Variants in TBC1D5 observed in about 807,000 individuals in gnomAD.
TBC1D5 encodes the protein TBC1 domain family, member 5.
Under a neutral mutation model 100.3 loss-of-function variants are expected in TBC1D5, and 75 were observed. The observed-to-expected ratio is 0.75, with a 90% confidence interval of 0.62 to 0.91. TBC1D5 has a LOEUF of 0.91. Among genes scored for constraint, TBC1D5 ranks in the 40% least tolerant of loss-of-function variants. The probability of loss-of-function intolerance (pLI) is 0.00; values close to 1 mark genes in which losing one functional copy is unlikely to be tolerated. For missense variants in TBC1D5, 910 were observed against 942.4 expected (o/e 0.97, Z 0.45); for synonymous variants, 323 against 325.6 (o/e 0.99, Z 0.09).
chr3:17,351,076 T>C (rs930228026), intron 13 of TBC1D5, among the ~76,000 whole-genome samples: 1 of 152,180 alleles, frequency 6.6e-6, no homozygotes, highest in Non-Finnish European at 1.5e-5. Context: ...AATATCACAC[T>C]AAGTTTCATG....
chr3:17,736,350 CTTAAA>C (rs1267378604), intron 1 of TBC1D5, among the ~76,000 whole-genome samples: 2 of 152,124 alleles, frequency 1.3e-5, no homozygotes, highest in African/African-American at 4.8e-5. Context: ...GATAAAGAGA[CTTAAA>C]TTAACCCCAA....
intron 16 of TBC1D5, among the ~76,000 whole-genome samples, chr3:17,249,598 T>C (rs1021320148): frequency 2.6e-5 from 4 of 152,164 alleles, no homozygotes; most frequent in Admixed American, 2.6e-4. Context: ...CCCTGAGCCC[T>C]CCCTAGAAGT....
In TBC1D5 at chr3:17,218,743, ACT is replaced by A. The variant is rs1449162997; in HGVS notation, c.1589-4375_1589-4374del. Reference sequence around the variant, plus strand: ...AATATGTCATCCTACTGCCTTCTTAACTCTCTGGTTTTTGATGAGAAGTCAGC... The same window carrying A: ...AATATGTCATCCTACTGCCTTCTTAACTCTGGTTTTTGATGAGAAGTCAGC... On this transcript the variant is annotated intron_variant, in intron 17 of 21. Coordinates refer to ENST00000253692, the Ensembl canonical transcript of TBC1D5. Among the ~76,000 whole-genome samples, 8 of 152,022 alleles carry A rather than the reference ACT, an allele frequency of 5.3e-5. No homozygotes were observed. The East Asian group carries it at 1.5e-3, about 29-fold the overall frequency.
chr3:17,718,722 C>T (rs1408192475), intron 1 of TBC1D5, among the ~76,000 whole-genome samples: 1 of 152,134 alleles, frequency 6.6e-6, no homozygotes, highest in African/African-American at 2.4e-5. Context: ...TCATTCCAAA[C>T]AGAAACTCTG....
At chr3:17,699,328 G>A (rs1237955986) in intron 1 of TBC1D5, among the ~76,000 whole-genome samples, 2 of 136,142 alleles carry the variant, frequency 1.5e-5, no homozygotes, top group East Asian at 2.3e-4. Flanking sequence ...TCACTCATAG[G>A]TGGGAATTGA....
chr3:17,665,538 A>G (rs572187060), intron 1 of TBC1D5, among the ~76,000 whole-genome samples: 8 of 152,300 alleles, frequency 5.3e-5, no homozygotes, highest in East Asian at 3.9e-4. Flanking sequence ...TTAATACACT[A>G]TAAGTATTGC....
chr3:17,644,096 A>G (rs2064792481), intron 1 of TBC1D5: 1 of 152,120 alleles, frequency 6.6e-6, no homozygotes, highest in South Asian at 2.1e-4. Context: ...TTTCAAGACT[A>G]TTATTCCTAT....
rs563876040 is a variant in TBC1D5 at position 17,561,315 on chromosome 3, A to G, written c.-35-52710T>C. ...GATATACTTTTTTACATATATACAT[A>G]AAAACTTAGAGGGTTCAATCAAAGC... On this transcript the variant is annotated intron_variant, in intron 2 of 21. Transcript: ENST00000253692. 8.5e-5 allele frequency among the ~76,000 whole-genome samples: 13 copies of G among 152,352 alleles called. No individual in the cohort carries two copies. The East Asian group carries it at 2.5e-3, about 29-fold the overall frequency.
intron 18 of TBC1D5, among the ~76,000 whole-genome samples, chr3:17,204,008 C>T (rs1007240252): frequency 6.6e-6 from 1 of 152,194 alleles, no homozygotes; most frequent in Non-Finnish European, 1.5e-5. Flanking sequence ...TACAGATCCC[C>T]CCTTTATCAA....
chr3:17,449,226 C>T (rs564302416), intron 3 of TBC1D5, among the ~76,000 whole-genome samples: 13 of 152,326 alleles, frequency 8.5e-5, no homozygotes, highest in South Asian at 4.1e-4. Flanking sequence ...GCTTTTCTCA[C>T]GGTTTTTGCA....
intron 13 of TBC1D5, among the ~76,000 whole-genome samples, chr3:17,308,769 G>A (rs115802284): frequency 0.01 from 1,566 of 152,224 alleles, 28 homozygotes; most frequent in African/African-American, 0.035. Flanking sequence ...CTTTCGAGGA[G>A]TGTTTTTCAA....
Position 17,590,138 on chromosome 3 carries a change from T to G in TBC1D5, c.-36+33711A>C, listed in dbSNP as rs534624255. 2.0e-5 allele frequency among the ~76,000 whole-genome samples: 3 copies of G among 152,144 alleles called. No individual in the cohort carries two copies. The South Asian group carries it at 6.2e-4, about 32-fold the overall frequency. ...CGGGCCCCAGAGGTGAGGTTGAGAG[T>G]GTGACCCATGAGGAAGTATGCTACA... On this transcript the variant is annotated intron_variant, in intron 2 of 21. Transcript: ENST00000253692.
intron 3 of TBC1D5, among the ~76,000 whole-genome samples, chr3:17,437,447 T>C (rs987510683): frequency 6.6e-6 from 1 of 152,026 alleles, no homozygotes; most frequent in Non-Finnish European, 1.5e-5. Flanking sequence ...AACAGAATTC[T>C]AAGGCAAAAT....
At chr3:17,605,782 G>A (rs955752053) in intron 2 of TBC1D5, among the ~76,000 whole-genome samples, 2 of 152,078 alleles carry the variant, frequency 1.3e-5, no homozygotes, top group African/African-American at 4.8e-5. Context: ...CTAAGTTTAA[G>A]GGGGAAATAA....
At chr3:17,717,574 C>A (rs560362827) in intron 1 of TBC1D5, among the ~76,000 whole-genome samples, 1 of 152,316 alleles carries the variant, frequency 6.6e-6, no homozygotes, top group Non-Finnish European at 1.5e-5. Context: ...TCATCATATA[C>A]TGATAGAACA....
intron 18 of TBC1D5, among the ~76,000 whole-genome samples, chr3:17,204,065 T>C (rs2071829273): frequency 6.6e-6 from 1 of 152,216 alleles, no homozygotes; most frequent in Non-Finnish European, 1.5e-5. Context: ...CTTTCTGCAA[T>C]GAAAGCCCAG....
chr3:17,513,904 T>G (rs115420866), intron 2 of TBC1D5, among the ~76,000 whole-genome samples: 1 of 152,148 alleles, frequency 6.6e-6, no homozygotes. Context: ...AATTAAGAGA[T>G]AGCGCAATTG....
intron 8 of TBC1D5, among the ~76,000 whole-genome samples, chr3:17,398,465 G>A (rs900834274): frequency 2.0e-5 from 3 of 152,070 alleles, no homozygotes; most frequent in Non-Finnish European, 4.4e-5. Flanking sequence ...ATACTAGAAA[G>A]TTGATAATAT....
intron 8 of TBC1D5, among the ~76,000 whole-genome samples, chr3:17,398,529 T>C (rs2152391643): frequency 6.6e-6 from 1 of 152,258 alleles, no homozygotes; most frequent in Admixed American, 6.5e-5. Context: ...TTGAGATAAT[T>C]ACTAAAATTG....
Sources: allele counts gnomAD v4.1 joint callset (sites outside exome capture counted in the v4.1 genomes callset), GRCh38; gene constraint gnomAD v4.1.1; transcripts MANE v1.5; gene names NCBI Gene and HGNC (gene_info 2026-07-23, HGNC 2026-07-21).